Variants in SORCS2 observed in about 807,000 individuals in gnomAD.
The protein encoded by SORCS2 is sortilin related VPS10 domain containing receptor 2, also known as VPS10 domain-containing receptor SorCS2.
Under a neutral mutation model 141.6 loss-of-function variants are expected in SORCS2, and 100 were observed. That is an observed-to-expected ratio of 0.71 (90% CI 0.60 to 0.83). The LOEUF (loss-of-function observed/expected upper bound fraction) is 0.83. Ranked by LOEUF, SORCS2 falls within the 40% of genes least tolerant of loss-of-function variation. The probability of loss-of-function intolerance (pLI) is 0.00; values close to 1 mark genes in which losing one functional copy is unlikely to be tolerated. For missense variants in SORCS2, 1,646 were observed against 1,560.2 expected, an observed-to-expected ratio of 1.05 and a Z score of -0.93; for synonymous variants, 789 against 676.9, an observed-to-expected ratio of 1.17 and a Z score of -2.57.
At chr4:7,689,377 C>T in intron 10 of SORCS2, 109 bp from the exon 11 acceptor site, 1 of 1,017,184 alleles carries the variant, frequency 9.8e-7, no homozygotes, top group South Asian at 1.5e-5. Flanking sequence ...ACTCCTGGCC[C>T]AGCCTTCTCT....
intron 1 of SORCS2, among the ~76,000 whole-genome samples, chr4:7,392,908 G>C (rs865827262): frequency 6.6e-5 from 10 of 151,748 alleles, no homozygotes; most frequent in African/African-American, 2.2e-4. Context: ...CGGGGGGGGG[G>C]GGGTGCTGCG....
At chr4:7,601,047 G>C (rs955977518) in intron 3 of SORCS2, among the ~76,000 whole-genome samples, 6 of 152,088 alleles carry the variant, frequency 3.9e-5, no homozygotes, top group Admixed American at 2.0e-4. Flanking sequence ...CACCATGCCT[G>C]GCTAATTTTT....
At chr4:7,608,390 G>A (rs73216627) in intron 3 of SORCS2, among the ~76,000 whole-genome samples, 1,615 of 152,282 alleles carry the variant, frequency 0.011, 17 homozygotes, top group Non-Finnish European at 0.016. Flanking sequence ...TCATTACCGT[G>A]CCCTGGCTTA....
chr4:7,657,156 G>A (rs1156720693), intron 5 of SORCS2, among the ~76,000 whole-genome samples: 1 of 152,260 alleles, frequency 6.6e-6, no homozygotes, highest in Non-Finnish European at 1.5e-5. Flanking sequence ...CTAGCCCAGG[G>A]CCTTCGCCAG....
chr4:7,367,111 G>C (rs890822137), intron 1 of SORCS2, among the ~76,000 whole-genome samples: 1 of 152,210 alleles, frequency 6.6e-6, no homozygotes, highest in Non-Finnish European at 1.5e-5. Context: ...GGGGAGCCCC[G>C]TGATGTGGCC....
At chr4:7,342,208 G>C (rs543504872) in intron 1 of SORCS2, among the ~76,000 whole-genome samples, 1 of 151,826 alleles carries the variant, frequency 6.6e-6, no homozygotes, top group Non-Finnish European at 1.5e-5. Flanking sequence ...GGAACAAGGG[G>C]CTGCAGCTCC....
intron 1 of SORCS2, among the ~76,000 whole-genome samples, chr4:7,327,830 G>A (rs183805086): frequency 2.8e-4 from 40 of 143,880 alleles, no homozygotes; most frequent in African/African-American, 9.8e-4. Flanking sequence ...CCCCGGCAAC[G>A]TTGCTTTGGC....
chr4:7,626,593 T>A (rs1433633795), intron 3 of SORCS2, among the ~76,000 whole-genome samples: 2 of 152,258 alleles, frequency 1.3e-5, no homozygotes, highest in Non-Finnish European at 2.9e-5. Flanking sequence ...TATATTTGTG[T>A]GTATCATATG....
rs1032551649 is a variant in SORCS2 at position 7,418,772 on chromosome 4, C to T, written c.548+22417C>T. 4.1e-5 allele frequency among the ~76,000 whole-genome samples: 6 copies of T among 145,450 alleles called. No homozygotes were observed. In the South Asian group the frequency reaches 7.1e-4, roughly 17 times the overall value. On this transcript the variant is annotated intron_variant, in intron 2 of 26. Transcript: ENST00000507866. Reference sequence around the variant, plus strand: ...TTGAGCTTACGATTCTGTGAATGGGCAATGTGGGCTGGGCTCAGCTGGCTG... The same window carrying T: ...TTGAGCTTACGATTCTGTGAATGGGTAATGTGGGCTGGGCTCAGCTGGCTG...
intron 3 of SORCS2, among the ~76,000 whole-genome samples, chr4:7,539,967 C>T (rs1712463616): frequency 1.3e-5 from 2 of 148,640 alleles, no homozygotes; most frequent in Admixed American, 1.3e-4. Flanking sequence ...GCTGTGATGG[C>T]ACCGCCCCTT....
intron 2 of SORCS2, among the ~76,000 whole-genome samples, chr4:7,530,272 C>T (rs879600158): frequency 6.6e-6 from 1 of 152,216 alleles, no homozygotes; most frequent in Non-Finnish European, 1.5e-5. Context: ...GAAGCACTGG[C>T]CCCACAGTCA....
At chr4:7,621,021 G>A (rs1018019228) in intron 3 of SORCS2, among the ~76,000 whole-genome samples, 1 of 152,092 alleles carries the variant, frequency 6.6e-6, no homozygotes, top group Non-Finnish European at 1.5e-5. Flanking sequence ...GCACGGGGGG[G>A]TTGCCGGCCA....
chr4:7,336,533 A>AATCCCTGAG (rs1213872992), intron 1 of SORCS2, among the ~76,000 whole-genome samples: 5 of 49,036 alleles, frequency 1.0e-4, no homozygotes, highest in Admixed American at 3.3e-4. Context: ...CGTGCCCAGA[A>AATCCCTGAG]CAGATGGATG....
At chr4:7,717,232 A>G (rs1726250335) in intron 17 of SORCS2, among the ~76,000 whole-genome samples, 1 of 152,120 alleles carries the variant, frequency 6.6e-6, no homozygotes, top group Non-Finnish European at 1.5e-5. Context: ...TGTTGTTCCC[A>G]TGGCCTGGGA....
At chr4:7,645,383 C>T (rs1721006527) in intron 4 of SORCS2, among the ~76,000 whole-genome samples, 1 of 152,156 alleles carries the variant, frequency 6.6e-6, no homozygotes, top group Admixed American at 6.5e-5. Context: ...GAGTAACTTA[C>T]CTAACCTCTC....
rs137915878 is a variant in SORCS2, at chr4:7,657,830, G to A, written c.887+3623G>A. Among the ~76,000 whole-genome samples the A allele has an allele frequency of 4.5e-4, 69 of 151,990 alleles. 1 individual carries two copies. Among genetic ancestry groups the A allele is most frequent in the African/African-American group, 1.2e-3 (49 of 41,428 alleles). The stretch of plus-strand genomic sequence containing the variant: ...AGTGAATGAGTGAGTGGGTGAGTCT[G>A]TGACTGAGTGAGTGAGTGAATGAGT... On this transcript the variant is annotated intron_variant, in intron 5 of 26. Coordinates refer to ENST00000507866, the MANE Select transcript of SORCS2 (RefSeq NM_020777.3).
At chr4:7,595,039 T>C (rs1458968732) in intron 3 of SORCS2, among the ~76,000 whole-genome samples, 3 of 152,170 alleles carry the variant, frequency 2.0e-5, no homozygotes, top group South Asian at 4.2e-4. Flanking sequence ...CCAGGCTCGG[T>C]CCCCCATGAC....
At chr4:7,337,240 T>C (rs989125945) in intron 1 of SORCS2, among the ~76,000 whole-genome samples, 5 of 152,268 alleles carry the variant, frequency 3.3e-5, no homozygotes, top group South Asian at 2.1e-4. Flanking sequence ...AAACACCTAC[T>C]GTGTGCGGGG....
chr4:7,420,019 G>A (rs1725934804), intron 2 of SORCS2, among the ~76,000 whole-genome samples: 1 of 152,170 alleles, frequency 6.6e-6, no homozygotes, highest in Non-Finnish European at 1.5e-5. Context: ...CGCTAACCAG[G>A]GCCTAAGAGT....
Sources: allele counts gnomAD v4.1 joint callset (sites outside exome capture counted in the v4.1 genomes callset), GRCh38; gene constraint gnomAD v4.1.1; transcripts MANE v1.5; gene names NCBI Gene and HGNC (gene_info 2026-07-23, HGNC 2026-07-21).